ZFP64: variants seen among roughly 807,000 people sequenced by gnomAD.
ZFP64 encodes the protein ZFP64 zinc finger protein, also known as zinc finger protein 64.
In ZFP64, 14 loss-of-function variants were observed where a neutral mutation model predicts 51.6. The ratio of observed to expected loss-of-function variants is 0.27; its 90% CI spans 0.18 to 0.42. The LOEUF (loss-of-function observed/expected upper bound fraction) is 0.42, where lower values mean the gene tolerates loss of function less well. ZFP64 is among the 10% of genes least tolerant of loss of function. The pLI is 1.00. For missense variants in ZFP64, 754 were observed against 906.8 expected, an observed-to-expected ratio of 0.83 and a Z score of 2.16; for synonymous variants, 375 against 361.4, an observed-to-expected ratio of 1.04 and a Z score of -0.43.
chr20:52,174,904 C>T (rs1057202128), intron 2 of ZFP64, among the ~76,000 whole-genome samples: 7 of 152,094 alleles, frequency 4.6e-5, no homozygotes, highest in South Asian at 2.1e-4. Context: ...GTCACAGAGA[C>T]GACTTGAGAG....
intron 5 of ZFP64, among the ~76,000 whole-genome samples, chr20:52,132,786 A>G (rs1979784843): frequency 6.6e-6 from 1 of 152,212 alleles, no homozygotes; most frequent in South Asian, 2.1e-4. Context: ...CATTGAAAGA[A>G]GAACTAATAC....
chr20:52,159,585 T>A (rs1981604414), intron 5 of ZFP64, among the ~76,000 whole-genome samples: 1 of 152,218 alleles, frequency 6.6e-6, no homozygotes, highest in African/African-American at 2.4e-5. Context: ...GCACGGTGGC[T>A]CACGCCTGTA....
chr20:52,184,965 C>T (rs1983856877), intron 2 of ZFP64, among the ~76,000 whole-genome samples: 2 of 152,106 alleles, frequency 1.3e-5, no homozygotes, highest in African/African-American at 4.8e-5. Flanking sequence ...TACAAAGGCT[C>T]CACTTTCTCT....
chr20:52,174,260 C>T (rs912268556), intron 2 of ZFP64, among the ~76,000 whole-genome samples: 4 of 150,694 alleles, frequency 2.7e-5, no homozygotes, highest in South Asian at 2.1e-4. Flanking sequence ...CTGAGGCAGG[C>T]GGATCACCTG....
At chr20:52,137,675 C>T (rs1348972485) in intron 5 of ZFP64, among the ~76,000 whole-genome samples, 1 of 152,000 alleles carries the variant, frequency 6.6e-6, no homozygotes, top group Non-Finnish European at 1.5e-5. Context: ...AAGAGACATA[C>T]CATAGGGCAA....
intron 5 of ZFP64, among the ~76,000 whole-genome samples, chr20:52,158,922 C>T (rs1981547840): frequency 6.6e-6 from 1 of 152,212 alleles, no homozygotes; most frequent in African/African-American, 2.4e-5. Context: ...TGCTTGCTTG[C>T]ACCTCTGCCA....
chr20:52,160,036 T>C lies in ZFP64; in HGVS notation c.763+87A>G. On this transcript the variant is annotated intron_variant, in intron 5 of 5. Transcript: ENST00000216923. The surrounding 1 kb of genome is among the most constrained non-coding windows in gnomAD (Gnocchi z 4.2). ...GAGCAAAGGTTCCAACTCGATTTCTTACATTGTGGCTGAATGCTTTAAGGT... is the reference window on the plus strand; with the variant it reads ...GAGCAAAGGTTCCAACTCGATTTCTCACATTGTGGCTGAATGCTTTAAGGT... 1 of 1,577,974 alleles carries C rather than the reference T, an allele frequency of 6.3e-7. No homozygotes were observed. Among genetic ancestry groups the C allele is most frequent in the Non-Finnish European group, 8.6e-7 (1 of 1,163,196 alleles).
chr20:52,190,212 A>T (rs1984272935), intron 1 of ZFP64, among the ~76,000 whole-genome samples: 1 of 152,210 alleles, frequency 6.6e-6, no homozygotes, highest in African/African-American at 2.4e-5. Context: ...TACCCATGGA[A>T]CTAACAAGGA....
At chr20:52,175,857 C>CCCCGGGG in intron 2 of ZFP64, 2 of 376,070 alleles carry the variant, frequency 5.3e-6, no homozygotes, top group African/African-American at 2.3e-5. Flanking sequence ...CCCGCACCCC[C>CCCCGGGG]GCTGCCGCCC....
intron 2 of ZFP64, among the ~76,000 whole-genome samples, 195 bp from the exon 3 acceptor site, chr20:52,166,220 G>A (rs1315889493): frequency 7.3e-6 from 1 of 137,764 alleles, no homozygotes; most frequent in Admixed American, 7.5e-5. Flanking sequence ...TTCTGCAAAA[G>A]ACTTTCCTCC....
chr20:52,152,790 T>C lies in ZFP64; in HGVS notation c.1402A>G (p.Ser468Gly), dbSNP rs1980960032. ...GTGAGGGGCGTGGCGGGCTGCTTGC[T>C]GGGGTCGATCTGAAACTGGAGAACG... ...VTVLQFQIDP[S>G]KQPATPLTVG... Residue 468 changes from serine to glycine, a missense_variant, in exon 6 of 6, where the codon AGC becomes GGC. Ser to Gly is a moderately conservative substitution (Grantham distance 56, BLOSUM62 0). Around this residue, in one of 3 missense-constraint regions of ZFP64, gnomAD observed 428 missense variants for 472.4 expected, o/e 0.91. Coordinates refer to ENST00000216923, the MANE Select transcript of ZFP64 (RefSeq NM_018197.3). The C allele has an allele frequency of 6.2e-7, 1 of 1,608,750 alleles. No individual in the cohort carries two copies. The highest frequency in any genetic ancestry group is 8.5e-7 in the Non-Finnish European group (1 of 1,175,986).
chr20:52,105,247 A>G, intron 5 of ZFP64: 2 of 1,334,368 alleles, frequency 1.5e-6, no homozygotes, highest in Non-Finnish European at 1.9e-6. Flanking sequence ...TGGCGCGAGG[A>G]CCGGGCTCCC....
chr20:52,086,771 C>T (rs1237793481), intron 8 of ZFP64, among the ~76,000 whole-genome samples: 1 of 152,132 alleles, frequency 6.6e-6, no homozygotes, highest in Non-Finnish European at 1.5e-5. Context: ...AGCCACCGCG[C>T]CCGGCCCTTT....
At position 52,169,474 on chromosome 20, in the gene ZFP64, C is replaced by T. The variant is rs181638913; in HGVS notation, c.287-3449G>A. 3.5e-4 allele frequency among the ~76,000 whole-genome samples: 54 copies of T among 152,206 alleles called. 1 individual carries two copies. The highest frequency in any genetic ancestry group is 1.3e-3 in the African/African-American group (54 of 41,546). ...TTCACAGTGGGGTGAGTATGGGTGG[C>T]CAGGTCCTCCCTACAAGTCAGCTCG... On this transcript the variant is annotated intron_variant, in intron 2 of 5. Transcript: ENST00000216923.
intron 5 of ZFP64, among the ~76,000 whole-genome samples, chr20:52,119,576 A>ACACACACACACACACATACATAC (rs1555802579): frequency 1.5e-5 from 2 of 132,554 alleles, no homozygotes; most frequent in African/African-American, 5.9e-5. Context: ...ATACACACAC[A>ACACACACACACACACATACATAC]ACACACACAC....
chr20:52,143,321 A>G (rs1265014145), intron 5 of ZFP64, among the ~76,000 whole-genome samples: 1 of 142,510 alleles, frequency 7.0e-6, no homozygotes, highest in Non-Finnish European at 1.6e-5. Flanking sequence ...AAAGCAACCA[A>G]CTAACCATCC....
At chr20:52,125,356 G>T (rs905631585) in intron 5 of ZFP64, among the ~76,000 whole-genome samples, 10 of 152,150 alleles carry the variant, frequency 6.6e-5, no homozygotes, top group African/African-American at 2.4e-4. Flanking sequence ...AGTGAGGCAG[G>T]CCTGACAGCC....
chr20:52,153,247 G>T lies in ZFP64; in HGVS notation c.945C>A (p.Phe315Leu), dbSNP rs1487408279. The T allele has an allele frequency of 1.2e-6, 2 of 1,614,236 alleles. No homozygotes were observed. The highest frequency in any genetic ancestry group is 1.1e-5 in the South Asian group (1 of 91,082). The change falls in exon 6 of 6, where the codon TTC becomes TTA. Residue 315 changes from phenylalanine (F) to leucine (L), a missense_variant. Around this residue, in one of 3 missense-constraint regions of ZFP64, gnomAD observed 231 missense variants for 336.7 expected, o/e 0.69. Coordinates refer to ENST00000216923, the MANE Select transcript of ZFP64 (RefSeq NM_018197.3). This position sits in a 1 kb window ranked among gnomAD's most constrained non-coding sequence, Gnocchi z 5.1. Reference sequence around the variant, plus strand: ...CCAGGAAGTCGCAATGAGGACACTTGAAGTTATTCCCGCTGTGCTTGATAC... The same window carrying T: ...CCAGGAAGTCGCAATGAGGACACTTTAAGTTATTCCCGCTGTGCTTGATAC... ...HIRIKHSGNNFKCPHCDFLGD... is the reference protein window; with the variant it reads ...HIRIKHSGNNLKCPHCDFLGD...
downstream of ZFP64, among the ~76,000 whole-genome samples, chr20:52,150,727 A>G (rs969957247): frequency 3.3e-5 from 5 of 152,220 alleles, no homozygotes; most frequent in Admixed American, 1.3e-4. Context: ...TTCTGTCCCA[A>G]GAGTAACCTC....
Sources: allele counts gnomAD v4.1 joint callset (sites outside exome capture counted in the v4.1 genomes callset), GRCh38; gene constraint gnomAD v4.1.1; regional missense constraint gnomAD v4.1.1; non-coding constraint Gnocchi (gnomAD v3.1); transcripts MANE v1.5; gene names NCBI Gene and HGNC (gene_info 2026-07-23, HGNC 2026-07-21).